DDR1: variants seen among roughly 807,000 people sequenced by gnomAD.
DDR1 encodes epithelial discoidin domain-containing receptor 1.
Under a neutral mutation model 97.4 loss-of-function variants are expected in DDR1, and 64 were observed. The observed-to-expected ratio is 0.66, with a 90% confidence interval of 0.54 to 0.81. The LOEUF (loss-of-function observed/expected upper bound fraction) is 0.81, where lower values mean the gene tolerates loss of function less well. Ranked by LOEUF, DDR1 falls within the 30% of genes least tolerant of loss-of-function variation. The pLI is 0.00. For missense variants in DDR1, 990 were observed against 1,259.6 expected (o/e 0.79, Z 3.24); for synonymous variants, 458 against 503.7 (o/e 0.91, Z 1.21).
chr6:30,892,998 C>A, intron 8 of DDR1, 70 bp from the exon 9 acceptor site: 2 of 1,335,740 alleles, frequency 1.5e-6, no homozygotes, highest in South Asian at 1.3e-5. Flanking sequence ...CACAACAGTC[C>A]ACTGCCTCTG....
Position 30,891,532 on chromosome 6 carries a change from T to TGC in DDR1, c.665+54_665+55insCG, listed in dbSNP as rs1788256622. The TGC allele has an allele frequency of 1.3e-6, 1 of 785,186 alleles. No individual in the cohort carries two copies. The highest frequency in any genetic ancestry group is 2.4e-5 in the Admixed American group (1 of 41,550). The allele number at this position is 785,186 out of a possible 1,614,324, so 48.6% of individuals were successfully genotyped here. ...GTTTGGGGTGGGAGGGAGGACTGTG[T>TGC]GTGTGTGTGTGTGTGTGTGTGTGTG... On this transcript the variant is annotated intron_variant, in intron 6 of 17. Transcript: ENST00000376568. This position sits in a 1 kb window ranked among gnomAD's most constrained non-coding sequence, Gnocchi z 5.3.
rs926577923 is a variant in DDR1, at chr6:30,889,709, G to T, written c.417+279G>T. ...TCCTCCCACCTTAGCCTCCCAAAGT[G>T]CTGGGATTACAAGCACTGTAGCCAG... On this transcript the variant is annotated intron_variant, in intron 4 of 17. Coordinates refer to ENST00000376568, the MANE Select transcript of DDR1 (RefSeq NM_001297654.2). The surrounding 1 kb of genome is among the most constrained non-coding windows in gnomAD (Gnocchi z 4.9). Among the ~76,000 whole-genome samples the T allele has an allele frequency of 4.6e-5, 7 of 151,550 alleles. No homozygotes were observed. The highest frequency in any genetic ancestry group is 8.8e-5 in the Non-Finnish European group (6 of 67,948).
At chr6:30,896,412 A>G (rs1363957252) in intron 12 of DDR1, among the ~76,000 whole-genome samples, 1 of 152,054 alleles carries the variant, frequency 6.6e-6, no homozygotes, top group East Asian at 1.9e-4. Context: ...CATTGCCTTG[A>G]AAAGCTCTGG....
chr6:30,888,669 C>A lies in DDR1; in HGVS notation c.-42-19C>A. Reference sequence around the variant, plus strand: ...AGTCCCCTGATTAACTTACGCACCACCCATTTTATCCCCTGCAGAGATGCT... The same window carrying A: ...AGTCCCCTGATTAACTTACGCACCAACCATTTTATCCCCTGCAGAGATGCT... On this transcript the variant is annotated intron_variant, in intron 1 of 17. Coordinates refer to ENST00000376568, the MANE Select transcript of DDR1 (RefSeq NM_001297654.2). The surrounding 1 kb of genome is among the most constrained non-coding windows in gnomAD (Gnocchi z 4.2). 1 of 1,601,860 alleles carries A rather than the reference C, an allele frequency of 6.2e-7. No homozygotes were observed. The highest frequency in any genetic ancestry group is 8.5e-7 in the Non-Finnish European group (1 of 1,174,540).
rs912370732 is a variant in DDR1 at position 30,886,183 on chromosome 6, G to C, written c.-43+1473G>C. Reference sequence around the variant, plus strand: ...GCATTGTGGCTCTCGCTCTGTCTCCGCCTGCCTCGTATCCTCTGCCTGCCT... The same window carrying C: ...GCATTGTGGCTCTCGCTCTGTCTCCCCCTGCCTCGTATCCTCTGCCTGCCT... On this transcript the variant is annotated intron_variant, in intron 1 of 17. Coordinates refer to ENST00000376568, the MANE Select transcript of DDR1 (RefSeq NM_001297654.2). This position sits in a 1 kb window ranked among gnomAD's most constrained non-coding sequence, Gnocchi z 4.6. Among the ~76,000 whole-genome samples the C allele has an allele frequency of 2.0e-5, 3 of 152,024 alleles. No individual in the cohort carries two copies. Among genetic ancestry groups the C allele is most frequent in the African/African-American group, 7.3e-5 (3 of 41,378 alleles).
In DDR1 at chr6:30,888,139, G is replaced by C. The variant is rs1786581660; in HGVS notation, c.-42-549G>C. Among the ~76,000 whole-genome samples, 1 of 151,822 alleles carries C rather than the reference G, an allele frequency of 6.6e-6. No homozygotes were observed. Among genetic ancestry groups the C allele is most frequent in the African/African-American group, 2.4e-5 (1 of 41,272 alleles). ...GTATTTCCCTGAGGCTGGTGAATTT[G>C]ACCATTAAAAAAAATGTTTGTTGGC... On this transcript the variant is annotated intron_variant, in intron 1 of 17. Transcript: ENST00000376568. The surrounding 1 kb of genome is among the most constrained non-coding windows in gnomAD (Gnocchi z 4.2).
At chr6:30,896,341 G>C (rs1021267150) in intron 12 of DDR1, among the ~76,000 whole-genome samples, 1 of 151,922 alleles carries the variant, frequency 6.6e-6, no homozygotes, top group African/African-American at 2.4e-5. Context: ...ACAGTCTCTT[G>C]AGAGACCCTA....
rs551062509 is a variant in DDR1 at position 30,885,142 on chromosome 6, A to G, written c.-43+432A>G. The G allele has an allele frequency of 6.7e-6, 10 of 1,487,410 alleles. No individual in the cohort carries two copies. The South Asian group carries it at 8.5e-5, about 13-fold the overall frequency. The allele number at this position is 1,487,410 out of a possible 1,614,324, so 92.1% of individuals were successfully genotyped here. On this transcript the variant is annotated intron_variant, in intron 1 of 17. Coordinates refer to ENST00000376568, the MANE Select transcript of DDR1 (RefSeq NM_001297654.2). Reference sequence around the variant, plus strand: ...GGTCAGTCTGGTCACAGTCCAGCAAAAAGAGGGACTGCCACTCTAACCCAC... The same window carrying G: ...GGTCAGTCTGGTCACAGTCCAGCAAGAAGAGGGACTGCCACTCTAACCCAC...
At position 30,891,176 on chromosome 6, in the gene DDR1, G is replaced by A. The variant is rs770651294; in HGVS notation, c.565+56G>A. Reference sequence around the variant, plus strand: ...TCCTGAGCAGGGGACTGGAGGGTGGGGAGTGTGGAGAATGGGCATCCAGGA... The same window carrying A: ...TCCTGAGCAGGGGACTGGAGGGTGGAGAGTGTGGAGAATGGGCATCCAGGA... On this transcript the variant is annotated intron_variant, in intron 5 of 17. Transcript: ENST00000376568. The surrounding 1 kb of genome is among the most constrained non-coding windows in gnomAD (Gnocchi z 5.3). The A allele has an allele frequency of 1.2e-5, 19 of 1,603,682 alleles. No individual in the cohort carries two copies. Among genetic ancestry groups the A allele is most frequent in the Non-Finnish European group, 1.4e-5 (17 of 1,175,740 alleles).
At chr6:30,898,797 C>T (rs1421521454) in intron 16 of DDR1, 91 bp from the exon 17 acceptor site, 2 of 1,422,308 alleles carry the variant, frequency 1.4e-6, no homozygotes, top group Non-Finnish European at 1.9e-6. Flanking sequence ...GAGTGGAGCC[C>T]AGAGTGGATC....
intron 13 of DDR1, 44 bp from the exon 14 acceptor site, chr6:30,896,970 C>G (rs1316620651): frequency 6.3e-7 from 1 of 1,593,286 alleles, no homozygotes; most frequent in Non-Finnish European, 8.6e-7. Flanking sequence ...CGTGTTAATC[C>G]GTTTGACCCT....
Position 30,890,887 on chromosome 6 carries a change from G to T in DDR1, c.418-86G>T. 6.9e-7 allele frequency: 1 copy of T among 1,444,448 alleles called. No homozygotes were observed. The highest frequency in any genetic ancestry group is 9.2e-7 in the Non-Finnish European group (1 of 1,081,592). 89.5% of individuals were successfully genotyped at this position (1,444,448 alleles called of 1,614,324 possible). On this transcript the variant is annotated intron_variant, in intron 4 of 17. Transcript: ENST00000376568. The surrounding 1 kb of genome is among the most constrained non-coding windows in gnomAD (Gnocchi z 5.0). The stretch of plus-strand genomic sequence containing the variant: ...TCATGGGTCTCTAAGTGGCCACTGT[G>T]GGCTGGGCCAGGGAGCAGCTGGTGG...
chr6:30,893,345 G>T lies in DDR1; in HGVS notation c.1269G>T (p.Leu423=). Residue 423 remains leucine (L), a synonymous_variant, in exon 10 of 18, where the codon CTG becomes CTT. Transcript: ENST00000376568. The part of the protein sequence containing the change: ...GSPTAILIGC[L]VAIILLLLLI... ...CGACCGCCATCCTCATCGGCTGCCT[G>T]GTGGCCATCATCCTGCTCCTGCTGC... The T allele has an allele frequency of 1.2e-6, 2 of 1,608,082 alleles. No individual in the cohort carries two copies.
rs969266513 is a variant in DDR1 at position 30,888,020 on chromosome 6, C to T, written c.-42-668C>T. Among the ~76,000 whole-genome samples, 4 of 152,216 alleles carry T rather than the reference C, an allele frequency of 2.6e-5. No homozygotes were observed. Among genetic ancestry groups the T allele is most frequent in the African/African-American group, 9.6e-5 (4 of 41,464 alleles). ...TGCTTTCCAAATAGAAGATAACACT[C>T]ATTTCTGCCATTGAGCATGGTGCCT... On this transcript the variant is annotated intron_variant, in intron 1 of 17. Transcript: ENST00000376568. This position sits in a 1 kb window ranked among gnomAD's most constrained non-coding sequence, Gnocchi z 4.2.
Position 30,897,959 on chromosome 6 carries a change from C to T in DDR1, c.2217-114C>T. 3 of 780,026 alleles carry T rather than the reference C, an allele frequency of 3.8e-6. No individual in the cohort carries two copies. Among genetic ancestry groups the T allele is most frequent in the Non-Finnish European group, 6.4e-6 (3 of 472,058 alleles). The allele number at this position is 780,026 out of a possible 1,614,324, so 48.3% of individuals were successfully genotyped here. On this transcript the variant is annotated intron_variant, in intron 15 of 17. Coordinates refer to ENST00000376568, the MANE Select transcript of DDR1 (RefSeq NM_001297654.2). This position sits in a 1 kb window ranked among gnomAD's most constrained non-coding sequence, Gnocchi z 5.2. The stretch of plus-strand genomic sequence containing the variant: ...GACCCTTGGCCTCACGTGGGCATTC[C>T]ACCTCCACATGGGGAGCCAGAGTGA...
At position 30,899,660 on chromosome 6, in the gene DDR1, A is replaced by G. The variant is rs1792249681; in HGVS notation, c.*364A>G. On this transcript the variant is annotated 3_prime_UTR_variant, in exon 18 of 18. Transcript: ENST00000376568. ...TGGAGCACCTGGGCCCCACTGGACA[A>G]CACTGATTCCTGGAGAGGTGGCTGC... The G allele has an allele frequency of 1.0e-5, 4 of 390,080 alleles. No individual in the cohort carries two copies. The South Asian group carries it at 1.6e-4, about 16-fold the overall frequency. 24.2% of individuals were successfully genotyped at this position (390,080 alleles called of 1,614,324 possible). A position where few individuals can be genotyped will look rare whatever the true frequency, so the allele number is the denominator to read the frequency against.
Position 30,897,673 on chromosome 6 carries a change from G to A in DDR1, c.2216+76G>A. On this transcript the variant is annotated intron_variant, in intron 15 of 17. Coordinates refer to ENST00000376568, the MANE Select transcript of DDR1 (RefSeq NM_001297654.2). The surrounding 1 kb of genome is among the most constrained non-coding windows in gnomAD (Gnocchi z 5.2). ...CCTCCTCTCCCCTCGCTTCAGCCTG[G>A]AGGAAAAGAGGGGAGCGTGGGGGTG... 2.4e-6 allele frequency: 3 copies of A among 1,252,950 alleles called. 1 individual carries two copies. In the South Asian group the frequency reaches 4.0e-5, roughly 17 times the overall value. The allele number at this position is 1,252,950 out of a possible 1,614,324, so 77.6% of individuals were successfully genotyped here.
Position 30,891,527 on chromosome 6 carries a change from C to CTCTGTGTGTGTGTA in DDR1, c.665+49_665+50insCTGTGTGTGTGTAT. 1.3e-6 allele frequency: 1 copy of CTCTGTGTGTGTGTA among 797,054 alleles called. No homozygotes were observed. The allele number at this position is 797,054 out of a possible 1,614,324, so 49.4% of individuals were successfully genotyped here. On this transcript the variant is annotated intron_variant, in intron 6 of 17. Transcript: ENST00000376568. The surrounding 1 kb of genome is among the most constrained non-coding windows in gnomAD (Gnocchi z 5.3). ...ATGGAGTTTGGGGTGGGAGGGAGGA[C>CTCTGTGTGTGTGTA]TGTGTGTGTGTGTGTGTGTGTGTGT...
Position 30,889,218 on chromosome 6 carries a change from G to T in DDR1, c.205G>T (p.Gly69Trp). The T allele has an allele frequency of 6.2e-7, 1 of 1,613,082 alleles. No homozygotes were observed. The highest frequency in any genetic ancestry group is 8.5e-7 in the Non-Finnish European group (1 of 1,180,030). Residue 69 changes from glycine to tryptophan, a missense_variant, in exon 4 of 18, where the codon GGG becomes TGG. Coordinates refer to ENST00000376568, the MANE Select transcript of DDR1 (RefSeq NM_001297654.2). This position sits in a 1 kb window ranked among gnomAD's most constrained non-coding sequence, Gnocchi z 4.9. ...ARHSRLESSD[G>W]DGAWCPAGSV... Reference sequence around the variant, plus strand: ...CACCCTCAGGTTGGAGAGCAGTGACGGGGATGGGGCCTGGTGCCCCGCAGG... The same window carrying T: ...CACCCTCAGGTTGGAGAGCAGTGACTGGGATGGGGCCTGGTGCCCCGCAGG...
Sources: allele counts gnomAD v4.1 joint callset (sites outside exome capture counted in the v4.1 genomes callset), GRCh38; gene constraint gnomAD v4.1.1; non-coding constraint Gnocchi (gnomAD v3.1); transcripts MANE v1.5; gene names NCBI Gene and HGNC (gene_info 2026-07-23, HGNC 2026-07-21).